The following TMEM132B variants were observed in gnomAD, a reference collection of about 807,000 sequenced individuals.
TMEM132B encodes the protein transmembrane protein 132B.
In TMEM132B, 18 loss-of-function variants were observed where a neutral mutation model predicts 90.8. The ratio of observed to expected loss-of-function variants is 0.20; its 90% CI spans 0.14 to 0.29. The LOEUF (loss-of-function observed/expected upper bound fraction) is 0.29, where lower values mean the gene tolerates loss of function less well. Ranked by LOEUF, TMEM132B falls within the 10% of genes least tolerant of loss-of-function variation. The pLI, the probability that TMEM132B is intolerant of heterozygous loss-of-function variation, is 1.00. For synonymous variants in TMEM132B, 504 were observed against 523.3 expected (o/e 0.96, Z 0.50); for missense variants, 1,096 against 1,326.8 (o/e 0.83, Z 2.70).
chr12:125,451,652 A>G (rs1430582153), intron 3 of TMEM132B, among the ~76,000 whole-genome samples: 1 of 148,558 alleles, frequency 6.7e-6, no homozygotes, highest in Non-Finnish European at 1.5e-5. Flanking sequence ...TTTACTATTC[A>G]TGCTTTGGCA....
At chr12:125,393,528 A>T (rs150848950) in intron 2 of TMEM132B, among the ~76,000 whole-genome samples, 192 of 152,212 alleles carry the variant, frequency 1.3e-3, no homozygotes, top group Non-Finnish European at 2.1e-3. Context: ...GGATAAGATT[A>T]TCCAGATAAT....
rs1004579665 is a variant in TMEM132B, at chr12:125,660,611, T to C, written c.*5901T>C. On this transcript the variant is annotated 3_prime_UTR_variant, in exon 9 of 9. Coordinates refer to ENST00000682704, the MANE Select transcript of TMEM132B (RefSeq NM_001366854.1). Reference sequence around the variant, plus strand: ...GTTACTGTGTTTATAGACTATTCTATGACTCAAGACAACTAGGACACCATC... The same window carrying C: ...GTTACTGTGTTTATAGACTATTCTACGACTCAAGACAACTAGGACACCATC... 6.6e-5 allele frequency: 10 copies of C among 152,228 alleles called. No individual in the cohort carries two copies. Among genetic ancestry groups the C allele is most frequent in the Admixed American group, 5.9e-4 (9 of 15,284 alleles). The allele number at this position is 152,228 out of a possible 1,614,324, so 9.4% of individuals were successfully genotyped here. A position where few individuals can be genotyped will look rare whatever the true frequency, so the allele number is the denominator to read the frequency against.
intron 4 of TMEM132B, among the ~76,000 whole-genome samples, chr12:125,568,383 C>G (rs923031162): frequency 3.3e-5 from 5 of 152,190 alleles, no homozygotes; most frequent in African/African-American, 4.8e-5. Flanking sequence ...TCTTCCTTGT[C>G]TTCTTCTCAC....
intron 1 of TMEM132B, among the ~76,000 whole-genome samples, chr12:125,200,586 G>C (rs900110056): frequency 6.6e-6 from 1 of 152,186 alleles, no homozygotes; most frequent in Non-Finnish European, 1.5e-5. Context: ...AGAAAGATTT[G>C]CAAATGTCTA....
rs192392269 is a variant in TMEM132B at position 125,634,299 on chromosome 12, C to T, written c.1438-9777C>T. Among the ~76,000 whole-genome samples, 10 of 152,268 alleles carry T rather than the reference C, an allele frequency of 6.6e-5. No individual in the cohort carries two copies. The East Asian group carries it at 1.9e-3, about 29-fold the overall frequency. ...CAGTCAGCTTGTAGTGAAGGCTACC[C>T]GGCCTGAGACTCACCCTGCAGGGCA... On this transcript the variant is annotated intron_variant, in intron 5 of 8. Coordinates refer to ENST00000682704, the MANE Select transcript of TMEM132B (RefSeq NM_001366854.1).
chr12:125,216,840 C>T (rs1288855885), intron 1 of TMEM132B, among the ~76,000 whole-genome samples: 3 of 152,168 alleles, frequency 2.0e-5, no homozygotes, highest in East Asian at 1.9e-4. Flanking sequence ...GGTGGGTCCA[C>T]GGAGGCAGCA....
chr12:125,562,678 G>A (rs1400396540), intron 4 of TMEM132B, among the ~76,000 whole-genome samples: 2 of 151,762 alleles, frequency 1.3e-5, no homozygotes, highest in Non-Finnish European at 2.9e-5. Context: ...TCTGGTGGGA[G>A]GTAATTGAAT....
rs560283684 is a variant in TMEM132B at position 125,625,237 on chromosome 12, A to G, written c.1438-18839A>G. Among the ~76,000 whole-genome samples the G allele has an allele frequency of 2.0e-4, 26 of 127,272 alleles. No homozygotes were observed. In the East Asian group the frequency reaches 7.0e-3, roughly 34 times the overall value. 83.5% of individuals were successfully genotyped at this position (127,272 alleles called of 152,430 possible). The stretch of plus-strand genomic sequence containing the variant: ...AAGCTCTGCCTCCCGGGTTCACGCC[A>G]TTCTCCTGCCTCAGCTTCCTGAGTA... On this transcript the variant is annotated intron_variant, in intron 5 of 8. Transcript: ENST00000682704.
intron 3 of TMEM132B, among the ~76,000 whole-genome samples, chr12:125,470,772 A>G (rs1881694472): frequency 2.6e-5 from 4 of 152,170 alleles, no homozygotes. Flanking sequence ...GCTCACTGAT[A>G]TGCTCATGGG....
chr12:125,337,911 A>G (rs143209786), intron 1 of TMEM132B, among the ~76,000 whole-genome samples: 70 of 152,194 alleles, frequency 4.6e-4, no homozygotes, highest in African/African-American at 1.6e-3. Flanking sequence ...ACTTCTAGCC[A>G]TTTCTGGTTT....
At chr12:125,577,472 T>C (rs1432815611) in intron 4 of TMEM132B, among the ~76,000 whole-genome samples, 4 of 150,484 alleles carry the variant, frequency 2.7e-5, no homozygotes, top group Non-Finnish European at 5.9e-5. Context: ...TTTATTATTT[T>C]GTATTAATGT....
intron 1 of TMEM132B, among the ~76,000 whole-genome samples, chr12:125,337,089 C>G (rs1297617479): frequency 1.3e-5 from 2 of 152,172 alleles, no homozygotes; most frequent in African/African-American, 2.4e-5. Context: ...ATGGAAATCT[C>G]TCATGTTGGC....
chr12:125,292,933 C>T (rs2136149198), intron 1 of TMEM132B, among the ~76,000 whole-genome samples: 1 of 152,250 alleles, frequency 6.6e-6, no homozygotes, highest in Non-Finnish European at 1.5e-5. Flanking sequence ...AGTGGTTTCT[C>T]CAAGGAAAAT....
chr12:125,651,011 T>G, intron 7 of TMEM132B, 58 bp downstream of exon 7: 2 of 1,591,384 alleles, frequency 1.3e-6, no homozygotes. Flanking sequence ...GCCAGGTAGA[T>G]GCTGTTGTGC....
intron 3 of TMEM132B, among the ~76,000 whole-genome samples, chr12:125,501,538 A>C: frequency 1.4e-5 from 2 of 147,716 alleles, no homozygotes; most frequent in Admixed American, 6.8e-5. Flanking sequence ...TCCCCACCCC[A>C]CCCCCGACAG....
At chr12:125,507,977 G>A (rs1281619141) in intron 3 of TMEM132B, among the ~76,000 whole-genome samples, 1 of 152,122 alleles carries the variant, frequency 6.6e-6, no homozygotes, top group African/African-American at 2.4e-5. Flanking sequence ...AACAGTAGAT[G>A]CAGTTAGAGT....
chr12:125,504,818 A>G (rs1326317945), intron 3 of TMEM132B, among the ~76,000 whole-genome samples: 1 of 152,106 alleles, frequency 6.6e-6, no homozygotes, highest in African/African-American at 2.4e-5. Flanking sequence ...CAGAAAGCTC[A>G]GTCTTACCGG....
intron 1 of TMEM132B, among the ~76,000 whole-genome samples, chr12:125,281,960 G>A (rs1004606289): frequency 2.8e-5 from 4 of 142,942 alleles, no homozygotes; most frequent in East Asian, 2.2e-4. Context: ...CCCGGGAGGC[G>A]GAGGTTGCAG....
chr12:125,452,877 T>C (rs946599527), intron 3 of TMEM132B, among the ~76,000 whole-genome samples: 1 of 152,216 alleles, frequency 6.6e-6, no homozygotes, highest in African/African-American at 2.4e-5. Context: ...CTTTTAAATT[T>C]ATGTATCAAA....
Sources: gnomAD v4.1 joint callset for allele counts (sites outside exome capture counted in the v4.1 genomes callset) on GRCh38, gnomAD v4.1.1 for gene constraint, MANE v1.5 for transcripts, NCBI Gene and HGNC (gene_info 2026-07-23, HGNC 2026-07-21) for gene names.